Variants in GNAL observed in about 807,000 individuals in gnomAD.
The protein encoded by GNAL is guanine nucleotide-binding protein G(olf) subunit alpha.
A neutral mutation model predicts 55.1 loss-of-function variants in GNAL; 18 were observed. That is an observed-to-expected ratio of 0.33 (90% CI 0.23 to 0.48). GNAL has a LOEUF of 0.48. Among genes scored for constraint, GNAL ranks in the 20% least tolerant of loss-of-function variants. The probability of loss-of-function intolerance (pLI) is 0.99; values close to 1 mark genes in which losing one functional copy is unlikely to be tolerated. For synonymous variants in GNAL, 253 were observed against 237.0 expected, an observed-to-expected ratio of 1.07 and a Z score of -0.62; for missense variants, 412 against 614.1, an observed-to-expected ratio of 0.67 and a Z score of 3.48.
Position 11,732,800 on chromosome 18 carries a change from T to C in GNAL, c.377-20053T>C, listed in dbSNP as rs28516636. On this transcript the variant is annotated intron_variant, in intron 1 of 11. Coordinates refer to ENST00000334049, the MANE Select transcript of GNAL (RefSeq NM_182978.4). ...TTGTTTTGTCAATGTAAATGTTAAA[T>C]CAGCAGAACCCAGTAACTGATGAGA... Among the ~76,000 whole-genome samples, 290 of 152,278 alleles carry C rather than the reference T, an allele frequency of 1.9e-3. 1 individual carries two copies. The highest frequency in any genetic ancestry group is 6.8e-3 in the African/African-American group (282 of 41,566).
At chr18:11,824,098 A>G (rs1490353311) in intron 4 of GNAL, among the ~76,000 whole-genome samples, 1 of 152,192 alleles carries the variant, frequency 6.6e-6, no homozygotes, top group Non-Finnish European at 1.5e-5. Context: ...CTCAAAGTGT[A>G]ATTTTTAAAG....
At chr18:11,730,502 G>A (rs1178220994) in intron 1 of GNAL, among the ~76,000 whole-genome samples, 2 of 151,542 alleles carry the variant, frequency 1.3e-5, no homozygotes, top group African/African-American at 2.4e-5. Flanking sequence ...AGTGGCTCAC[G>A]CCTGTAATCC....
rs529843782 is a variant in GNAL at position 11,884,907 on chromosome 18, G to C, written c.*3772G>C. Reference sequence around the variant, plus strand: ...TCAAAACTGGCCCCTGGCTCACTGGGTTCCCATCAAATATAGTGGGGGATC... The same window carrying C: ...TCAAAACTGGCCCCTGGCTCACTGGCTTCCCATCAAATATAGTGGGGGATC... On this transcript the variant is annotated 3_prime_UTR_variant, in exon 12 of 12. Transcript: ENST00000334049. 6.2e-6 allele frequency: 8 copies of C among 1,298,238 alleles called. No homozygotes were observed. The African/African-American group carries it at 1.2e-4, about 19-fold the overall frequency. The allele number at this position is 1,298,238 out of a possible 1,614,324, so 80.4% of individuals were successfully genotyped here. A position where few individuals can be genotyped will look rare whatever the true frequency, so the allele number is the denominator to read the frequency against.
At chr18:11,703,623 C>T (rs1240026352) in intron 1 of GNAL, among the ~76,000 whole-genome samples, 3 of 152,186 alleles carry the variant, frequency 2.0e-5, no homozygotes, top group Non-Finnish European at 4.4e-5. Flanking sequence ...GCATGCCGAG[C>T]TGTGGTTGAT....
chr18:11,802,917 G>A (rs1488455705), intron 4 of GNAL, among the ~76,000 whole-genome samples: 1 of 152,192 alleles, frequency 6.6e-6, no homozygotes, highest in Non-Finnish European at 1.5e-5. Flanking sequence ...TACCCGGGCT[G>A]TGTGTCTGGA....
rs372970719 is a variant in GNAL at position 11,880,218 on chromosome 18, C to T, written c.1231-771C>T. 8.5e-4 allele frequency among the ~76,000 whole-genome samples: 129 copies of T among 151,298 alleles called. 7 individuals are homozygous for T. The highest frequency in any genetic ancestry group is 5.9e-3 in the South Asian group (27 of 4,596). On this transcript the variant is annotated intron_variant, in intron 11 of 11. Transcript: ENST00000334049. ...GTTGCAGTGAGCCGAGATGGCACCA[C>T]TGCACTCCAGCCTGGGGGACACAGC...
At chr18:11,736,017 C>A (rs2143459946) in intron 1 of GNAL, among the ~76,000 whole-genome samples, 1 of 152,248 alleles carries the variant, frequency 6.6e-6, no homozygotes, top group Middle Eastern at 3.4e-3. Context: ...CTGTCTTGTC[C>A]CGCAACTTAC....
intron 4 of GNAL, among the ~76,000 whole-genome samples, chr18:11,806,538 A>G (rs1244325280): frequency 6.6e-6 from 1 of 152,098 alleles, no homozygotes; most frequent in Non-Finnish European, 1.5e-5. Flanking sequence ...GAGATAGGTT[A>G]CCCCTCTCAG....
At position 11,689,490 on chromosome 18, in the gene GNAL, G is replaced by A. The variant is rs920764543; in HGVS notation, c.-74G>A. The A allele has an allele frequency of 1.5e-6, 1 of 674,992 alleles. No individual in the cohort carries two copies. Among genetic ancestry groups the A allele is most frequent in the Admixed American group, 4.5e-5 (1 of 22,290 alleles). 41.8% of individuals were successfully genotyped at this position (674,992 alleles called of 1,614,324 possible). On this transcript the variant is annotated 5_prime_UTR_variant, in exon 1 of 12. Coordinates refer to ENST00000334049, the MANE Select transcript of GNAL (RefSeq NM_182978.4). ...CCGCTGAGGCGCCGGCCTGAACTGGGCGCGGGAACCAGGCCGCCCTCGGCG... is the reference window on the plus strand; with the variant it reads ...CCGCTGAGGCGCCGGCCTGAACTGGACGCGGGAACCAGGCCGCCCTCGGCG...
intron 4 of GNAL, among the ~76,000 whole-genome samples, chr18:11,780,223 A>G (rs754202517): frequency 5.5e-4 from 84 of 152,142 alleles, no homozygotes; most frequent in Non-Finnish European, 9.8e-4. Context: ...CTTGACTCCA[A>G]TCCCTGAAGT....
chr18:11,704,498 A>AC (rs1329677250), intron 1 of GNAL, among the ~76,000 whole-genome samples: 2 of 152,018 alleles, frequency 1.3e-5, no homozygotes, highest in African/African-American at 2.4e-5. Context: ...AATGATAAGT[A>AC]CCCCCATCTG....
chr18:11,697,886 T>C, intron 1 of GNAL, among the ~76,000 whole-genome samples: 1 of 152,164 alleles, frequency 6.6e-6, no homozygotes, highest in East Asian at 1.9e-4. Context: ...GCTGGGCATT[T>C]GCCTTGGGTC....
chr18:11,881,137 G>A lies in GNAL; in HGVS notation c.*2G>A, dbSNP rs757240701. The A allele has an allele frequency of 1.2e-6, 2 of 1,603,624 alleles. No individual in the cohort carries two copies. Among genetic ancestry groups the A allele is most frequent in the East Asian group, 4.5e-5 (2 of 44,436 alleles). On this transcript the variant is annotated 3_prime_UTR_variant, in exon 12 of 12. Coordinates refer to ENST00000334049, the MANE Select transcript of GNAL (RefSeq NM_182978.4). This position sits in a 1 kb window ranked among gnomAD's most constrained non-coding sequence, Gnocchi z 4.8. ...CTCAAGCAGTATGAGCTCTTGTGAG[G>A]ATGCTGCCGCCACCCTGCGACGGAG...
At chr18:11,717,666 A>G (rs1318585948) in intron 1 of GNAL, among the ~76,000 whole-genome samples, 6 of 152,238 alleles carry the variant, frequency 3.9e-5, no homozygotes, top group African/African-American at 1.4e-4. Context: ...GCTGGAATCC[A>G]TTATCCTTAG....
At position 11,759,163 on chromosome 18, in the gene GNAL, ACTCCGT is replaced by A. The variant is rs573225273; in HGVS notation, c.624+5222_624+5227del. 3.5e-3 allele frequency among the ~76,000 whole-genome samples: 529 copies of A among 151,664 alleles called. 1 individual carries two copies. Among genetic ancestry groups the A allele is most frequent in the Non-Finnish European group, 5.7e-3 (389 of 67,956 alleles). The stretch of plus-strand genomic sequence containing the variant: ...ACTCCAGCCTGGGCAACAGAGCGAG[ACTCCGT>A]CTCAAAAAAAAACAAAAAGGAAGAA... On this transcript the variant is annotated intron_variant, in intron 4 of 11. Coordinates refer to ENST00000334049, the MANE Select transcript of GNAL (RefSeq NM_182978.4).
intron 9 of GNAL, among the ~76,000 whole-genome samples, chr18:11,871,995 C>T (rs1330357008): frequency 1.3e-5 from 2 of 152,214 alleles, no homozygotes; most frequent in African/African-American, 2.4e-5. Context: ...CTCCGACAAG[C>T]ATTTCCTTCG....
chr18:11,871,704 C>T (rs2036402566), intron 9 of GNAL, among the ~76,000 whole-genome samples: 1 of 152,208 alleles, frequency 6.6e-6, no homozygotes, highest in South Asian at 2.1e-4. Flanking sequence ...GTTGTTAACA[C>T]TTTCACTTCT....
chr18:11,745,979 A>T (rs778595532), intron 1 of GNAL: 2 of 271,242 alleles, frequency 7.4e-6, no homozygotes, highest in Non-Finnish European at 1.5e-5. Context: ...TACTGCCAAT[A>T]AGAAAGTGTT....
At chr18:11,849,791 A>T (rs1475014345) in intron 5 of GNAL, among the ~76,000 whole-genome samples, 1 of 152,240 alleles carries the variant, frequency 6.6e-6, no homozygotes, top group Non-Finnish European at 1.5e-5. Context: ...TAAGCTGCTA[A>T]CTAGGGTAAC....
Sources: allele counts gnomAD v4.1 joint callset (sites outside exome capture counted in the v4.1 genomes callset), GRCh38; gene constraint gnomAD v4.1.1; non-coding constraint Gnocchi (gnomAD v3.1); transcripts MANE v1.5; gene names NCBI Gene and HGNC (gene_info 2026-07-23, HGNC 2026-07-21).